The following PTPRD variants were observed in gnomAD, a reference collection of about 807,000 sequenced individuals.
PTPRD encodes the protein receptor-type tyrosine-protein phosphatase delta.
PTPRD carries 34 observed loss-of-function variants against 214.5 expected under a neutral mutation model. That is an observed-to-expected ratio of 0.16 (90% confidence interval 0.12 to 0.21). The LOEUF is 0.21. Ranked by LOEUF, PTPRD falls within the 10% of genes least tolerant of loss-of-function variation. PTPRD has a pLI of 1.00. For synonymous variants in PTPRD, 1,128 were observed against 845.7 expected, an observed-to-expected ratio of 1.33 and a Z score of -5.79; for missense variants, 2,545 against 2,398.7, an observed-to-expected ratio of 1.06 and a Z score of -1.27.
intron 26 of PTPRD, among the ~76,000 whole-genome samples, chr9:8,494,757 A>C (rs1206501276): frequency 6.6e-6 from 1 of 152,198 alleles, no homozygotes; most frequent in Non-Finnish European, 1.5e-5. Context: ...GAAATGCGTC[A>C]AGTTCCCTGC....
intron 8 of PTPRD, among the ~76,000 whole-genome samples, chr9:9,475,612 T>G (rs1216565837): frequency 6.6e-6 from 1 of 152,204 alleles, no homozygotes; most frequent in Non-Finnish European, 1.5e-5. Flanking sequence ...GGATTCATGC[T>G]CAGACAGTGT....
At chr9:9,809,673 A>G (rs2153536998) in intron 5 of PTPRD, among the ~76,000 whole-genome samples, 1 of 152,314 alleles carries the variant, frequency 6.6e-6, no homozygotes, top group Admixed American at 6.5e-5. Context: ...AGAATGTAAC[A>G]TCAGTTGAAT....
At chr9:9,631,843 G>A (rs1593573411) in intron 7 of PTPRD, among the ~76,000 whole-genome samples, 1 of 152,192 alleles carries the variant, frequency 6.6e-6, no homozygotes, top group South Asian at 2.1e-4. Context: ...CACTTGCCGG[G>A]CAGTTATTTT....
chr9:9,734,388 A>G (rs1348103438), intron 7 of PTPRD, 145 bp downstream of exon 7: 1 of 152,134 alleles, frequency 6.6e-6, no homozygotes. Flanking sequence ...GACTTATGAG[A>G]TTCAAACTCA....
chr9:8,376,537 C>T (rs13283477), intron 38 of PTPRD, 70 bp downstream of exon 38: 1 of 1,598,776 alleles, frequency 6.3e-7, no homozygotes, highest in Non-Finnish European at 8.6e-7. Flanking sequence ...TAAGAGATTT[C>T]ATTTCTCAAA....
chr9:10,388,322 G>A (rs570352376), intron 2 of PTPRD, among the ~76,000 whole-genome samples: 1 of 151,816 alleles, frequency 6.6e-6, no homozygotes, highest in Admixed American at 6.6e-5. Flanking sequence ...TACATCCTGA[G>A]ATAAAATGAT....
intron 11 of PTPRD, among the ~76,000 whole-genome samples, chr9:8,918,491 A>C (rs1168396584): frequency 1.3e-5 from 2 of 152,138 alleles, no homozygotes; most frequent in East Asian, 3.9e-4. Flanking sequence ...CATTTAAATG[A>C]TATCAGACCA....
At chr9:9,929,885 C>A (rs1190900343) in intron 5 of PTPRD, among the ~76,000 whole-genome samples, 1 of 152,160 alleles carries the variant, frequency 6.6e-6, no homozygotes, top group African/African-American at 2.4e-5. Context: ...GGTCTGTTTT[C>A]TTTTGCCATA....
intron 11 of PTPRD, among the ~76,000 whole-genome samples, chr9:8,939,500 G>T (rs1007517184): frequency 1.3e-5 from 2 of 152,064 alleles, no homozygotes; most frequent in Non-Finnish European, 2.9e-5. Flanking sequence ...AAAGAACTAT[G>T]TAAATAAAAT....
At chr9:10,053,379 G>A in intron 3 of PTPRD, among the ~76,000 whole-genome samples, 1 of 152,226 alleles carries the variant, frequency 6.6e-6, no homozygotes, top group East Asian at 1.9e-4. Context: ...GCCCCTCATG[G>A]ATATCAGTAG....
rs189588309 is a variant in PTPRD at position 10,065,678 on chromosome 9, G to C, written c.-544-31888C>G. On this transcript the variant is annotated intron_variant, in intron 3 of 45. Transcript: ENST00000381196. Reference sequence around the variant, plus strand: ...CCTAAATATCAACCAATATGTGGAAGAGCTGGAAGGTTCAGATAGAAGGAC... The same window carrying C: ...CCTAAATATCAACCAATATGTGGAACAGCTGGAAGGTTCAGATAGAAGGAC... 3.0e-4 allele frequency among the ~76,000 whole-genome samples: 45 copies of C among 152,054 alleles called. 1 individual carries two copies. The highest frequency in any genetic ancestry group is 6.2e-4 in the Non-Finnish European group (42 of 67,940).
chr9:9,416,026 T>C (rs2076897293), intron 8 of PTPRD, among the ~76,000 whole-genome samples: 1 of 152,192 alleles, frequency 6.6e-6, no homozygotes, highest in South Asian at 2.1e-4. Context: ...AACAAACAAC[T>C]GGGTGCATTC....
intron 9 of PTPRD, among the ~76,000 whole-genome samples, chr9:9,335,810 A>G (rs182795088): frequency 2.6e-5 from 4 of 152,252 alleles, no homozygotes; most frequent in Admixed American, 1.3e-4. Context: ...GTAGATGTCT[A>G]AACTTCAAAG....
chr9:9,131,356 G>C (rs1276157504), intron 10 of PTPRD, among the ~76,000 whole-genome samples: 1 of 152,102 alleles, frequency 6.6e-6, no homozygotes, highest in Non-Finnish European at 1.5e-5. Flanking sequence ...CCTATGACTA[G>C]AAACAATGGA....
At chr9:9,982,150 C>T (rs1223536768) in intron 4 of PTPRD, among the ~76,000 whole-genome samples, 5 of 152,134 alleles carry the variant, frequency 3.3e-5, no homozygotes, top group Non-Finnish European at 5.9e-5. Context: ...CCTGTAATTC[C>T]GAAAGGGTTG....
intron 39 of PTPRD, among the ~76,000 whole-genome samples, chr9:8,346,773 G>T (rs2073943443): frequency 6.6e-6 from 1 of 152,094 alleles, no homozygotes; most frequent in South Asian, 2.1e-4. Flanking sequence ...TCCTTTAAGT[G>T]AAAAGGTGAA....
chr9:10,431,520 T>G (rs911412691), intron 2 of PTPRD, among the ~76,000 whole-genome samples: 3 of 151,726 alleles, frequency 2.0e-5, no homozygotes, highest in Non-Finnish European at 4.4e-5. Context: ...GGGAGAAAAT[T>G]TTCGCAACCT....
intron 3 of PTPRD, among the ~76,000 whole-genome samples, chr9:10,054,783 A>T (rs2097592953): frequency 6.6e-6 from 1 of 152,134 alleles, no homozygotes; most frequent in South Asian, 2.1e-4. Flanking sequence ...AGTTGAATAC[A>T]GTCTTTTTCC....
rs188184329 is a variant in PTPRD at position 8,711,578 on chromosome 9, C to T, written c.64+22202G>A. 1.8e-4 allele frequency among the ~76,000 whole-genome samples: 28 copies of T among 152,196 alleles called. No individual in the cohort carries two copies. In the East Asian group the frequency reaches 5.2e-3, roughly 28 times the overall value. On this transcript the variant is annotated intron_variant, in intron 12 of 45. Transcript: ENST00000381196. ...TCATTTACCAAAAATACAAAGATCA[C>T]GTCTCCAAGCAATAATTCTCAGCCT...
Sources: gnomAD v4.1 joint callset for allele counts (sites outside exome capture counted in the v4.1 genomes callset) on GRCh38, gnomAD v4.1.1 for gene constraint, MANE v1.5 for transcripts, NCBI Gene and HGNC (gene_info 2026-07-23, HGNC 2026-07-21) for gene names.